The following ADAD1 variants were observed in gnomAD, a reference collection of about 807,000 sequenced individuals.
The protein encoded by ADAD1 is adenosine deaminase domain containing 1, also known as adenosine deaminase domain-containing protein 1.
In ADAD1, 46 loss-of-function variants were observed where a neutral mutation model predicts 66.8. The ratio of observed to expected loss-of-function variants is 0.69; its 90% confidence interval spans 0.54 to 0.88. ADAD1 has a LOEUF of 0.88. ADAD1 is among the 40% of genes least tolerant of loss of function. ADAD1 has a pLI of 0.00. For missense variants in ADAD1, 617 were observed against 681.8 expected (o/e 0.91, Z 1.06); for synonymous variants, 248 against 229.4 (o/e 1.08, Z -0.73).
chr4:122,399,355 A>T (rs1795864102), intron 7 of ADAD1, among the ~76,000 whole-genome samples: 1 of 151,714 alleles, frequency 6.6e-6, no homozygotes, highest in Non-Finnish European at 1.5e-5. Context: ...GTTGTATACC[A>T]ATACCAATAC....
At position 122,400,296 on chromosome 4, in the gene ADAD1, G is replaced by T. The variant is rs542944191; in HGVS notation, c.724+3919G>T. Among the ~76,000 whole-genome samples the T allele has an allele frequency of 6.6e-5, 10 of 151,958 alleles. No homozygotes were observed. The South Asian group carries it at 1.7e-3, about 25-fold the overall frequency. On this transcript the variant is annotated intron_variant, in intron 7 of 12. Transcript: ENST00000296513. ...TTTTTGTTTTTAATTCTGTTTATGT[G>T]GTGTATCACATTTATCACCTTGCAT...
intron 12 of ADAD1, 99 bp downstream of exon 12, chr4:122,421,489 C>T (rs1303381113): frequency 4.5e-5 from 51 of 1,127,404 alleles, no homozygotes; most frequent in Non-Finnish European, 5.8e-5. Context: ...TTGTTGAATA[C>T]TTCCTGAATA....
intron 4 of ADAD1, among the ~76,000 whole-genome samples, chr4:122,383,477 A>G (rs1795003589): frequency 6.6e-6 from 1 of 152,282 alleles, no homozygotes; most frequent in East Asian, 1.9e-4. Context: ...TAGCCGTTTG[A>G]CAGATAGTGG....
In ADAD1 at chr4:122,429,720, T is replaced by C. The variant is rs144212663; in HGVS notation, c.1712T>C (p.Ile571Thr). The part of the protein sequence containing the change: ...YGSWIVKSPC[I>T]EQFNM ...TCCTGGATTGTGAAATCTCCCTGCA[T>C]AGAGCAATTTAACATGTGAAATAGG... The change falls in exon 13 of 13, where the codon ATA becomes ACA. Residue 571 changes from isoleucine (I) to threonine (T), a missense_variant. By Grantham distance (89) the Ile-to-Thr change is moderately conservative (BLOSUM62 -1). Coordinates refer to ENST00000296513, the MANE Select transcript of ADAD1 (RefSeq NM_139243.4). The C allele has an allele frequency of 3.2e-5, 51 of 1,608,326 alleles. No homozygotes were observed. Among genetic ancestry groups the C allele is most frequent in the Non-Finnish European group, 4.1e-5 (48 of 1,175,954 alleles).
At chr4:122,414,276 G>T (rs748365561) in intron 10 of ADAD1, among the ~76,000 whole-genome samples, 48 of 56,836 alleles carry the variant, frequency 8.4e-4, no homozygotes, top group South Asian at 4.0e-3. Flanking sequence ...CTTTTTTTTT[G>T]GGGGGGGGGG....
At chr4:122,424,760 G>A (rs1299274116) in intron 12 of ADAD1, among the ~76,000 whole-genome samples, 1 of 152,012 alleles carries the variant, frequency 6.6e-6, no homozygotes, top group Admixed American at 6.6e-5. Flanking sequence ...TAGACTAACT[G>A]CTCCAGTCAA....
chr4:122,424,742 C>T (rs1028418703), intron 12 of ADAD1, among the ~76,000 whole-genome samples: 2 of 151,854 alleles, frequency 1.3e-5, no homozygotes, highest in African/African-American at 4.8e-5. Flanking sequence ...TCAATAATTA[C>T]AATAAAGTAG....
At chr4:122,391,396 G>T (rs540192451) in intron 5 of ADAD1, among the ~76,000 whole-genome samples, 1 of 152,212 alleles carries the variant, frequency 6.6e-6, no homozygotes, top group African/African-American at 2.4e-5. Flanking sequence ...TTGTTGGAGA[G>T]GGTGTGCTTC....
At chr4:122,410,823 T>C (rs1196396470) in intron 8 of ADAD1, among the ~76,000 whole-genome samples, 2 of 152,160 alleles carry the variant, frequency 1.3e-5, no homozygotes, top group Non-Finnish European at 2.9e-5. Flanking sequence ...TGTAGTAGTT[T>C]GTTTGGGTAG....
chr4:122,387,897 C>T (rs1203333444), intron 5 of ADAD1, among the ~76,000 whole-genome samples: 2 of 151,818 alleles, frequency 1.3e-5, no homozygotes, highest in Non-Finnish European at 2.9e-5. Context: ...GTAGCTGGGA[C>T]TACAGGCACC....
chr4:122,425,750 A>C (rs912555042), intron 12 of ADAD1, among the ~76,000 whole-genome samples: 2 of 152,004 alleles, frequency 1.3e-5, no homozygotes, highest in Non-Finnish European at 2.9e-5. Context: ...GTTATATGCA[A>C]ATACCATGCC....
chr4:122,382,611 G>A (rs1794961296), intron 4 of ADAD1, among the ~76,000 whole-genome samples: 1 of 152,088 alleles, frequency 6.6e-6, no homozygotes, highest in Admixed American at 6.6e-5. Flanking sequence ...TAGAGAAGGA[G>A]TCTCACTATA....
intron 5 of ADAD1, among the ~76,000 whole-genome samples, chr4:122,387,036 T>A (rs1795204279): frequency 6.6e-6 from 1 of 152,228 alleles, no homozygotes; most frequent in Admixed American, 6.5e-5. Flanking sequence ...TTTGATTTCA[T>A]ATGAAATTTA....
intron 12 of ADAD1, among the ~76,000 whole-genome samples, chr4:122,426,812 A>G (rs1797259851): frequency 6.6e-6 from 1 of 152,238 alleles, no homozygotes; most frequent in South Asian, 2.1e-4. Flanking sequence ...TGAACAAACA[A>G]GGAATAGAAG....
intron 12 of ADAD1, among the ~76,000 whole-genome samples, chr4:122,425,529 A>G (rs1797191735): frequency 6.6e-6 from 1 of 151,966 alleles, no homozygotes. Flanking sequence ...ACAGGTGGCC[A>G]TTTGTATCCA....
chr4:122,391,077 G>A (rs78851370), intron 5 of ADAD1, among the ~76,000 whole-genome samples: 2,493 of 152,154 alleles, frequency 0.016, 66 homozygotes, highest in African/African-American at 0.057. Flanking sequence ...TGCTATTGTT[G>A]CTTTCTGCTT....
At chr4:122,424,425 A>G (rs1797141563) in intron 12 of ADAD1, among the ~76,000 whole-genome samples, 1 of 152,190 alleles carries the variant, frequency 6.6e-6, no homozygotes, top group Non-Finnish European at 1.5e-5. Flanking sequence ...TAGATGCAGT[A>G]TATATGACAA....
intron 12 of ADAD1, among the ~76,000 whole-genome samples, chr4:122,422,029 A>G (rs1383117903): frequency 1.3e-5 from 2 of 149,374 alleles, no homozygotes; most frequent in African/African-American, 5.0e-5. Context: ...ATATATACGT[A>G]TTTGTGTATG....
Position 122,421,399 on chromosome 4 carries a change from T to C in ADAD1, c.1617+9T>C, listed in dbSNP as rs1054327951. The C allele has an allele frequency of 6.5e-7, 1 of 1,548,796 alleles. No individual in the cohort carries two copies. Among genetic ancestry groups the C allele is most frequent in the Non-Finnish European group, 8.8e-7 (1 of 1,140,296 alleles). On this transcript the variant is annotated intron_variant, in intron 12 of 12. Coordinates refer to ENST00000296513, the MANE Select transcript of ADAD1 (RefSeq NM_139243.4). The stretch of plus-strand genomic sequence containing the variant: ...CATATCATGCAGCTAAGGTAAGTCC[T>C]TAAAGGAATAAAGTTATCATAGGAA...
Sources: allele counts gnomAD v4.1 joint callset (sites outside exome capture counted in the v4.1 genomes callset), GRCh38; gene constraint gnomAD v4.1.1; transcripts MANE v1.5; gene names NCBI Gene and HGNC (gene_info 2026-07-23, HGNC 2026-07-21).